The following CXorf38 variants were observed in gnomAD, a reference collection of about 807,000 sequenced individuals.
CXorf38 encodes uncharacterized protein CXorf38.
Under a neutral mutation model 27.5 loss-of-function variants are expected in CXorf38, and 13 were observed. The ratio of observed to expected loss-of-function variants is 0.47; its 90% CI spans 0.31 to 0.75. The LOEUF (loss-of-function observed/expected upper bound fraction) is 0.75, where lower values mean the gene tolerates loss of function less well. Ranked by LOEUF, CXorf38 falls within the 30% of genes least tolerant of loss-of-function variation. The pLI is 0.05. For missense variants in CXorf38, 240 were observed against 253.2 expected, an observed-to-expected ratio of 0.95 and a Z score of 0.35; for synonymous variants, 100 against 99.8, an observed-to-expected ratio of 1.00 and a Z score of -0.01.
chrX:40,632,133 C>T lies in CXorf38; in HGVS notation c.802-1360G>A, dbSNP rs1260697430. Reference sequence around the variant, plus strand: ...ATCGTTAGCTCTCAGTGACCGTGCCCGGTGCCCTAGACACACCTCAGGGTC... The same window carrying T: ...ATCGTTAGCTCTCAGTGACCGTGCCTGGTGCCCTAGACACACCTCAGGGTC... On this transcript the variant is annotated intron_variant, in intron 5 of 6. Transcript: ENST00000327877. Among the ~76,000 whole-genome samples the T allele has an allele frequency of 4.5e-5, 5 of 111,870 alleles. No individual in the cohort carries two copies. In the East Asian group the frequency reaches 8.5e-4, roughly 19 times the overall value.
chrX:40,640,884 G>A (rs1483001889), intron 2 of CXorf38, among the ~76,000 whole-genome samples: 3 of 99,671 alleles, frequency 3.0e-5, no homozygotes, highest in Non-Finnish European at 6.0e-5. Flanking sequence ...AGGTTGCAGT[G>A]AGCCAAGATT....
rs1003665822 is a variant in CXorf38, at chrX:40,637,208, CTG to C, written c.472-54_472-53del. 4.3e-6 allele frequency: 4 copies of C among 919,715 alleles called. No individual in the cohort carries two copies. The African/African-American group carries it at 8.1e-5, about 19-fold the overall frequency. 75.8% of individuals were successfully genotyped at this position (919,715 alleles called of 1,213,427 possible). A position where few individuals can be genotyped will look rare whatever the true frequency, so the allele number is the denominator to read the frequency against. On this transcript the variant is annotated intron_variant, in intron 3 of 6. Transcript: ENST00000327877. ...CTTCAAAATCAAACAATGGGGTAAA[CTG>C]AGATCTTTCACTCCAAAGAAAAAAT...
chrX:40,647,450 C>G lies in CXorf38; in HGVS notation c.71G>C (p.Cys24Ser). The G allele has an allele frequency of 2.5e-6, 3 of 1,196,432 alleles. No individual in the cohort carries two copies. The highest frequency in any genetic ancestry group is 1.8e-5 in the South Asian group (1 of 55,642). The stretch of plus-strand genomic sequence containing the variant: ...CAGGCAGCTGCGCAGCAGTAACAGG[C>G]AGTGGCCCGCCTTCACCCAGTTCTT... Reference protein sequence around the residue: ...EYKNWVKAGHCLLLLRSCLQG... With the variant: ...EYKNWVKAGHSLLLLRSCLQG... The change falls in exon 1 of 7, where the codon TGC becomes TCC. Residue 24 changes from cysteine to serine, a missense_variant. Physicochemically the swap from Cys to Ser is moderately radical, Grantham distance 112. Coordinates refer to ENST00000327877, the MANE Select transcript of CXorf38 (RefSeq NM_144970.3).
Position 40,647,315 on chromosome X carries a change from C to T in CXorf38, c.206G>A (p.Arg69His), listed in dbSNP as rs1347255142. 1.1e-5 allele frequency: 12 copies of T among 1,088,034 alleles called. No individual in the cohort carries two copies. The highest frequency in any genetic ancestry group is 1.4e-5 in the Non-Finnish European group (12 of 843,008). 89.7% of individuals were successfully genotyped at this position (1,088,034 alleles called of 1,213,427 possible). ...VCRGGSRCSP[R>H]ARQFQPQCQV... ...GAGCCAGGTGCTCACCTGGCGGGCG[C>T]GAGGGCTGCACCGTGAGCCGCCGCG... The change falls in exon 1 of 7, where the codon CGC (arginine) becomes CAC (histidine). Residue 69 changes from arginine to histidine, a missense_variant. By Grantham distance (29) the Arg-to-His change is conservative. Coordinates refer to ENST00000327877, the MANE Select transcript of CXorf38 (RefSeq NM_144970.3).
Position 40,627,485 on chromosome X carries a change from C to A in CXorf38, c.*2679G>T, listed in dbSNP as rs1245345018. ...GGATTACAGGCGCGAGTCACTGCGC[C>A]CAGCTGCTATACATTGTTAAACCTT... On this transcript the variant is annotated 3_prime_UTR_variant, in exon 7 of 7. Transcript: ENST00000327877. 8.9e-6 allele frequency: 1 copy of A among 112,543 alleles called. No homozygotes were observed. The highest frequency in any genetic ancestry group is 3.2e-5 in the African/African-American group (1 of 30,927). The allele number at this position is 112,543 out of a possible 1,213,427, so 9.3% of individuals were successfully genotyped here. A position where few individuals can be genotyped will look rare whatever the true frequency, so the allele number is the denominator to read the frequency against.
intron 5 of CXorf38, among the ~76,000 whole-genome samples, chrX:40,636,121 T>G (rs904930458): frequency 8.9e-6 from 1 of 112,627 alleles, no homozygotes; most frequent in African/African-American, 3.2e-5. Context: ...CTTTTGCAAG[T>G]ACTGTGCCCT....
rs888714251 is a variant in CXorf38, at chrX:40,647,207, G to A, written c.217-66C>T. Reference sequence around the variant, plus strand: ...ACGTCGCGGTGGGCCCCGCATCGCGGAGGGAACAGGACACTTGCGCTCTGG... The same window carrying A: ...ACGTCGCGGTGGGCCCCGCATCGCGAAGGGAACAGGACACTTGCGCTCTGG... On this transcript the variant is annotated intron_variant, in intron 1 of 6. Coordinates refer to ENST00000327877, the MANE Select transcript of CXorf38 (RefSeq NM_144970.3). 2.0e-5 allele frequency: 24 copies of A among 1,186,772 alleles called. No individual in the cohort carries two copies. The African/African-American group carries it at 4.1e-4, about 20-fold the overall frequency.
chrX:40,630,913 C>A (rs900592613), intron 5 of CXorf38, 140 bp from the exon 6 acceptor site: 10 of 455,649 alleles, frequency 2.2e-5, no homozygotes, highest in Non-Finnish European at 3.1e-5. Context: ...GGCATCTGTC[C>A]ACAGACAGGT....
intron 4 of CXorf38, 40 bp downstream of exon 4, chrX:40,636,967 C>T (rs1431790106): frequency 5.5e-6 from 6 of 1,099,622 alleles, no homozygotes; most frequent in Non-Finnish European, 6.1e-6. Flanking sequence ...TTTTCTCTCT[C>T]TTCATTCTGT....
rs1438282645 is a variant in CXorf38, at chrX:40,629,566, A to G, written c.*598T>C. 2 of 111,764 alleles carry G rather than the reference A, an allele frequency of 1.8e-5. No individual in the cohort carries two copies. The highest frequency in any genetic ancestry group is 3.8e-5 in the Non-Finnish European group (2 of 53,134). 9.2% of individuals were successfully genotyped at this position (111,764 alleles called of 1,213,427 possible). A position where few individuals can be genotyped will look rare whatever the true frequency, so the allele number is the denominator to read the frequency against. On this transcript the variant is annotated 3_prime_UTR_variant, in exon 7 of 7. Transcript: ENST00000327877. ...CAGTTTAGTACCAGAAAAGAAATTC[A>G]CCTTTTAAATAGCAGAAAATCCCTG...
At chrX:40,644,878 C>T (rs1928506131) in intron 2 of CXorf38, among the ~76,000 whole-genome samples, 2 of 111,958 alleles carry the variant, frequency 1.8e-5, no homozygotes, top group Non-Finnish European at 3.8e-5. Context: ...TGTGGCCAGA[C>T]CGCTGGGGCT....
At position 40,627,197 on chromosome X, in the gene CXorf38, G is replaced by GTT. The variant is rs1927560322; in HGVS notation, c.*2966_*2967insAA. ...TGCATTTTTTTTTTTGGGGGGGGGGGGTTGTTTTTTAGAGACGGAGTCTCC... is the reference window on the plus strand; with the variant it reads ...TGCATTTTTTTTTTTGGGGGGGGGGGTTGTTGTTTTTTAGAGACGGAGTCTCC... On this transcript the variant is annotated 3_prime_UTR_variant, in exon 7 of 7. Coordinates refer to ENST00000327877, the MANE Select transcript of CXorf38 (RefSeq NM_144970.3). 1.0e-5 allele frequency: 1 copy of GTT among 99,921 alleles called. No individual in the cohort carries two copies. Among genetic ancestry groups the GTT allele is most frequent in the African/African-American group, 3.7e-5 (1 of 27,318 alleles). 8.2% of individuals were successfully genotyped at this position (99,921 alleles called of 1,213,427 possible).
chrX:40,639,074 C>A lies in CXorf38; in HGVS notation c.406G>T (p.Val136Phe), dbSNP rs867619527. ...DKQGPEECDA[V>F]ALLSLINSCD... is the part of the protein sequence containing the mutation. Reference sequence around the variant, plus strand: ...GAGTTGATGAGACTTAAAAGAGCAACTGCATCACATTCCTCAGGTCCTTGT... The same window carrying A: ...GAGTTGATGAGACTTAAAAGAGCAAATGCATCACATTCCTCAGGTCCTTGT... The change falls in exon 3 of 7, where the codon GTT (valine) becomes TTT (phenylalanine). Residue 136 changes from valine (V) to phenylalanine (F), a missense_variant. By Grantham distance (50) the Val-to-Phe change is conservative. Transcript: ENST00000327877. 9 of 1,209,137 alleles carry A rather than the reference C, an allele frequency of 7.4e-6. No individual in the cohort carries two copies. The Admixed American group carries it at 1.5e-4, about 21-fold the overall frequency.
At chrX:40,636,909 T>C (rs1225246133) in intron 4 of CXorf38, 98 bp downstream of exon 4, 38 of 898,671 alleles carry the variant, frequency 4.2e-5, no homozygotes, top group Non-Finnish European at 5.3e-5. Flanking sequence ...TTCTAACACT[T>C]AGGTTAAATC....
At position 40,639,119 on chromosome X, in the gene CXorf38, G is replaced by T. The variant is rs1928203637; in HGVS notation, c.361C>A (p.Pro121Thr). ...CCTTGTTTGTCTGCTAGTCCTCGGG[G>T]CATGAAGGCCTATAGCAAGGGAGGG... Reference protein sequence around the residue: ...DAWEVAKAFMPRGLADKQGPE... With the variant: ...DAWEVAKAFMTRGLADKQGPE... Residue 121 changes from proline (P) to threonine (T), a missense_variant, in exon 3 of 7, where the codon CCC becomes ACC. Coordinates refer to ENST00000327877, the MANE Select transcript of CXorf38 (RefSeq NM_144970.3). 2.5e-6 allele frequency: 3 copies of T among 1,210,639 alleles called. No homozygotes were observed. Among genetic ancestry groups the T allele is most frequent in the Admixed American group, 2.2e-5 (1 of 46,002 alleles).
At chrX:40,644,190 T>C (rs1252036438) in intron 2 of CXorf38, among the ~76,000 whole-genome samples, 2 of 112,216 alleles carry the variant, frequency 1.8e-5, no homozygotes, top group African/African-American at 6.5e-5. Context: ...TTGTTTCTTT[T>C]AAAAAAATTT....
At position 40,637,143 on chromosome X, in the gene CXorf38, C is replaced by T. The variant is rs376500009; in HGVS notation, c.485G>A (p.Arg162His). 6 of 1,165,628 alleles carry T rather than the reference C, an allele frequency of 5.1e-6. No homozygotes were observed. Among genetic ancestry groups the T allele is most frequent in the South Asian group, 4.0e-5 (2 of 50,032 alleles). ...RKKVTEVIKC[R>H]NEIMHSSEMK... Reference sequence around the variant, plus strand: ...CTCTGAAGAGTGCATGATCTCATTACGACATTTAATTACCTGCAGAAAGAC... The same window carrying T: ...CTCTGAAGAGTGCATGATCTCATTATGACATTTAATTACCTGCAGAAAGAC... The change falls in exon 4 of 7, where the codon CGT becomes CAT. Residue 162 changes from arginine (R) to histidine (H), a missense_variant. Arg to His is a conservative substitution (Grantham distance 29, BLOSUM62 0). Transcript: ENST00000327877.
chrX:40,636,691 C>T lies in CXorf38; in HGVS notation c.643G>A (p.Val215Ile). 1 of 1,203,600 alleles carries T rather than the reference C, an allele frequency of 8.3e-7. No individual in the cohort carries two copies. The highest frequency in any genetic ancestry group is 1.1e-6 in the Non-Finnish European group (1 of 890,902). Residue 215 changes from valine to isoleucine, a missense_variant, in exon 5 of 7, where the codon GTT becomes ATT. Transcript: ENST00000327877. ...CGCTGATCTTCCTCGGGGATGTGAACAGCCCAGTCAGACGTCAACAGCTGA... is the reference window on the plus strand; with the variant it reads ...CGCTGATCTTCCTCGGGGATGTGAATAGCCCAGTCAGACGTCAACAGCTGA... The part of the protein sequence containing the change: ...IEQLLTSDWA[V>I]HIPEEDQRDG...
Position 40,636,609 on chromosome X carries a change from A to G in CXorf38, c.725T>C (p.Ile242Thr), listed in dbSNP as rs1234698189. 8.3e-7 allele frequency: 1 copy of G among 1,200,518 alleles called. No homozygotes were observed. Among genetic ancestry groups the G allele is most frequent in the Non-Finnish European group, 1.1e-6 (1 of 888,980 alleles). ...TYLSESQVNEIEMQLLKEKLQ... is the reference protein window; with the variant it reads ...TYLSESQVNETEMQLLKEKLQ... ...TTTCTCCTTTAGTAACTGCATTTCT[A>G]TTTCATTGACTTGGCTCTCACTCAG... The change falls in exon 5 of 7, where the codon ATA (isoleucine) becomes ACA (threonine). Residue 242 changes from isoleucine to threonine, a missense_variant. Physicochemically the swap from Ile to Thr is moderately conservative, Grantham distance 89. Transcript: ENST00000327877.
Sources: gnomAD v4.1 joint callset for allele counts (sites outside exome capture counted in the v4.1 genomes callset) on GRCh38, gnomAD v4.1.1 for gene constraint, MANE v1.5 for transcripts, NCBI Gene and HGNC (gene_info 2026-07-23, HGNC 2026-07-21) for gene names.